The following CNPY1 variants were observed in gnomAD, a reference collection of about 807,000 sequenced individuals.
The protein encoded by CNPY1 is canopy FGF signaling regulator 1.
In CNPY1, 14 loss-of-function variants were observed where a neutral mutation model predicts 14.4. The ratio of observed to expected loss-of-function variants is 0.97; its 90% CI spans 0.64 to 1.52. The LOEUF is 1.52. Among genes scored for constraint, CNPY1 ranks in the 40% most tolerant of loss-of-function variants. CNPY1 has a pLI of 0.00. For missense variants in CNPY1, 129 were observed against 131.5 expected, an observed-to-expected ratio of 0.98 and a Z score of 0.09; for synonymous variants, 43 against 46.5, an observed-to-expected ratio of 0.92 and a Z score of 0.31.
chr7:155,514,682 G>T (rs898077129), intron 2 of CNPY1, among the ~76,000 whole-genome samples: 2 of 152,120 alleles, frequency 1.3e-5, no homozygotes, highest in African/African-American at 2.4e-5. Flanking sequence ...ATCACCTGAG[G>T]TTGGGAGTTC....
At chr7:155,531,564 C>A (rs1796938010) in intron 2 of CNPY1, among the ~76,000 whole-genome samples, 1 of 152,224 alleles carries the variant, frequency 6.6e-6, no homozygotes, top group Admixed American at 6.5e-5. Flanking sequence ...CCTCTCTCTG[C>A]AGCTTAGGAT....
chr7:155,540,695 C>T (rs1797074168), intron 2 of CNPY1, among the ~76,000 whole-genome samples: 1 of 152,232 alleles, frequency 6.6e-6, no homozygotes, highest in South Asian at 2.1e-4. Context: ...CACACGTTTC[C>T]TGGGTCCCTG....
intron 2 of CNPY1, among the ~76,000 whole-genome samples, chr7:155,511,477 A>C (rs6971850): frequency 0.65 from 98,902 of 152,046 alleles, 32,413 homozygotes; most frequent in African/African-American, 0.72. Context: ...TTTTGGAAAC[A>C]GTTCCCCATG....
At chr7:155,504,906 G>A (rs1396572868) in intron 4 of CNPY1, among the ~76,000 whole-genome samples, 1 of 152,196 alleles carries the variant, frequency 6.6e-6, no homozygotes, top group Admixed American at 6.5e-5. Context: ...GTCTTCTACG[G>A]TACGAACATC....
Position 155,508,925 on chromosome 7 carries a change from T to A in CNPY1, c.272A>T (p.Tyr91Phe), listed in dbSNP as rs768411288. 1.2e-6 allele frequency: 2 copies of A among 1,613,878 alleles called. No homozygotes were observed. Among genetic ancestry groups the A allele is most frequent in the Admixed American group, 1.7e-5 (1 of 59,986 alleles). Residue 91 changes from tyrosine (Y) to phenylalanine (F), a missense_variant, in exon 3 of 5, where the codon TAT (tyrosine) becomes TTT (phenylalanine). By Grantham distance (22) the Tyr-to-Phe change is conservative. Transcript: ENST00000636446. ...TTTCAAAGGTCTGTAAGCATCAGAA[T>A]AAAAATACAATTTTTTAAATTCTTG... ...IYQEFKKLYFYSDAYRPLKFA... is the reference protein window; with the variant it reads ...IYQEFKKLYFFSDAYRPLKFA...
At chr7:155,517,840 G>A (rs1312101643) in intron 2 of CNPY1, among the ~76,000 whole-genome samples, 2 of 152,202 alleles carry the variant, frequency 1.3e-5, no homozygotes, top group African/African-American at 4.8e-5. Context: ...TCAAGTAATT[G>A]GTTGGAAAAT....
intron 2 of CNPY1, among the ~76,000 whole-genome samples, chr7:155,531,047 C>T (rs141296127): frequency 2.6e-5 from 4 of 152,198 alleles, no homozygotes; most frequent in South Asian, 4.1e-4. Flanking sequence ...CTTGGCCTTC[C>T]GCATAGTTTT....
chr7:155,523,721 G>C (rs1354897163), intron 2 of CNPY1, among the ~76,000 whole-genome samples: 1 of 152,198 alleles, frequency 6.6e-6, no homozygotes, highest in Non-Finnish European at 1.5e-5. Flanking sequence ...GGGTTGGGCT[G>C]TGTCCCCCAA....
intron 2 of CNPY1, among the ~76,000 whole-genome samples, chr7:155,519,265 T>C (rs961820970): frequency 6.6e-6 from 1 of 152,138 alleles, no homozygotes; most frequent in Non-Finnish European, 1.5e-5. Flanking sequence ...GGCTCGTGCC[T>C]GTAATCCTGC....
At chr7:155,532,953 C>T (rs1034514689) in intron 2 of CNPY1, among the ~76,000 whole-genome samples, 3 of 152,112 alleles carry the variant, frequency 2.0e-5, no homozygotes, top group Non-Finnish European at 4.4e-5. Context: ...CACACACCAC[C>T]CGTCTGAGTC....
At chr7:155,504,925 C>T (rs1796249783) in intron 4 of CNPY1, among the ~76,000 whole-genome samples, 1 of 152,214 alleles carries the variant, frequency 6.6e-6, no homozygotes, top group South Asian at 2.1e-4. Context: ...TCTCACCCTT[C>T]AGTTGTCTGA....
At chr7:155,541,574 G>A (rs1324338429) in intron 2 of CNPY1, among the ~76,000 whole-genome samples, 2 of 152,180 alleles carry the variant, frequency 1.3e-5, no homozygotes, top group African/African-American at 4.8e-5. Flanking sequence ...CTGCTTGGCA[G>A]GTCAGCCTCA....
intron 2 of CNPY1, among the ~76,000 whole-genome samples, chr7:155,516,902 G>T (rs1316211311): frequency 1.3e-5 from 2 of 152,214 alleles, no homozygotes; most frequent in Non-Finnish European, 2.9e-5. Context: ...CGTGGGCGTT[G>T]CCTCTGTTGG....
intron 2 of CNPY1, among the ~76,000 whole-genome samples, chr7:155,540,723 GC>G (rs956509303): frequency 1.5e-4 from 23 of 152,206 alleles, no homozygotes; most frequent in African/African-American, 5.3e-4. Flanking sequence ...CACACGGCTT[GC>G]CCTGGTCATC....
At chr7:155,522,043 CGTGTT>C (rs1796735618) in intron 2 of CNPY1, among the ~76,000 whole-genome samples, 1 of 152,386 alleles carries the variant, frequency 6.6e-6, no homozygotes, top group South Asian at 2.1e-4. Context: ...TTCCTCTAGA[CGTGTT>C]GAACACGCAC....
At chr7:155,507,831 G>A (rs9654685) in intron 3 of CNPY1, among the ~76,000 whole-genome samples, 5,806 of 152,226 alleles carry the variant, frequency 0.038, 360 homozygotes, top group African/African-American at 0.13. Context: ...TTATACTTTC[G>A]GGAGCTGTGA....
rs1796431462 is a variant in CNPY1, at chr7:155,509,067, T to C, written c.130A>G (p.Thr44Ala). 2 of 1,604,426 alleles carry C rather than the reference T, an allele frequency of 1.2e-6. No homozygotes were observed. The highest frequency in any genetic ancestry group is 1.4e-5 in the African/African-American group (1 of 73,966). Reference protein sequence around the residue: ...IPLAQSEAFLTDLLEKVCERM... With the variant: ...IPLAQSEAFLADLLEKVCERM... Reference sequence around the variant, plus strand: ...TCACAGACTTTCTCCAAAAGATCCGTTAGGAACGCCTCCGACTGAGCTAGG... The same window carrying C: ...TCACAGACTTTCTCCAAAAGATCCGCTAGGAACGCCTCCGACTGAGCTAGG... The change falls in exon 3 of 5, where the codon ACG becomes GCG. Residue 44 changes from threonine (T) to alanine (A), a missense_variant. Physicochemically the swap from Thr to Ala is moderately conservative, Grantham distance 58. Coordinates refer to ENST00000636446, the MANE Select transcript of CNPY1 (RefSeq NM_001393663.1).
At chr7:155,526,172 T>C (rs1442544922) in intron 2 of CNPY1, among the ~76,000 whole-genome samples, 1 of 152,344 alleles carries the variant, frequency 6.6e-6, no homozygotes, top group East Asian at 1.9e-4. Context: ...ATCTTATTTT[T>C]CCACAAATTC....
At chr7:155,523,705 C>A (rs1248365369) in intron 2 of CNPY1, among the ~76,000 whole-genome samples, 3 of 152,192 alleles carry the variant, frequency 2.0e-5, no homozygotes, top group Admixed American at 2.0e-4. Flanking sequence ...GTCATAAAAC[C>A]TCAGTGGGTT....
Sources: gnomAD v4.1 joint callset for allele counts (sites outside exome capture counted in the v4.1 genomes callset) on GRCh38, gnomAD v4.1.1 for gene constraint, MANE v1.5 for transcripts, NCBI Gene and HGNC (gene_info 2026-07-23, HGNC 2026-07-21) for gene names.